TTN: variants seen among roughly 807,000 people sequenced by gnomAD.
TTN encodes titin.
A neutral mutation model predicts 3,223.0 loss-of-function variants in TTN; 1,525 were observed. The ratio of observed to expected loss-of-function variants is 0.47; its 90% CI spans 0.45 to 0.49. The LOEUF is 0.49. TTN is among the 20% of genes least tolerant of loss of function. TTN has a pLI of 0.00. For missense variants in TTN, 40,786 were observed against 43,424.0 expected, an observed-to-expected ratio of 0.94 and a Z score of 5.40; for synonymous variants, 14,094 against 15,161.0, an observed-to-expected ratio of 0.93 and a Z score of 5.17.
rs11694623 is a variant in TTN at position 178,548,725 on chromosome 2, G to A, written c.92901C>T (p.Ser30967=). Residue 30967 remains serine, a synonymous_variant, in exon 339 of 363, where the codon AGC becomes AGT. Coordinates refer to ENST00000589042, the MANE Select transcript of TTN (RefSeq NM_001267550.2). The surrounding 1 kb of genome is among the most constrained non-coding windows in gnomAD (Gnocchi z 4.3). ...CTGTTGTATGGATATCAGCCCGAAG[G>A]CTAAGGTTAGAGTCTGGTTTGCTCC... ...AVWSKPDSNL[S]LRADIHTTDS... 40,426 of 1,613,798 alleles carry A rather than the reference G, an allele frequency of 0.025. 601 individuals are homozygous for A. Among genetic ancestry groups the A allele is most frequent in the Non-Finnish European group, 0.03 (35,263 of 1,179,792 alleles).
At position 178,532,081 on chromosome 2, in the gene TTN, G is replaced by A. The variant is rs577017863; in HGVS notation, c.104534C>T (p.Pro34845Leu). The change falls in exon 358 of 363, where the codon CCA (proline) becomes CTA (leucine). Residue 34845 changes from proline (P) to leucine (L), a missense_variant. Coordinates refer to ENST00000589042, the MANE Select transcript of TTN (RefSeq NM_001267550.2). ...TGGCCTCATTAACTCAATATAAGTT[G>A]GAGACAGGGAGCGCCGTCGTCTCAG... ...RLLRRRRSLS[P>L]TYIELMRPVS... 5.0e-6 allele frequency: 8 copies of A among 1,613,936 alleles called. No individual in the cohort carries two copies. Among genetic ancestry groups the A allele is most frequent in the African/African-American group, 1.3e-5 (1 of 75,028 alleles).
At position 178,569,325 on chromosome 2, in the gene TTN, T is replaced by C. The variant is rs1446500939; in HGVS notation, c.76807A>G (p.Ser25603Gly). ...FVTVRVLDTP[S>G]PPVNLKVTEI... is the part of the protein sequence containing the mutation. Reference sequence around the variant, plus strand: ...GTGACTTTCAGGTTAACAGGTGGACTTGGCGTGTCCAGAACTCTCACAGTA... The same window carrying C: ...GTGACTTTCAGGTTAACAGGTGGACCTGGCGTGTCCAGAACTCTCACAGTA... The change falls in exon 326 of 363, where the codon AGT becomes GGT. Residue 25603 changes from serine (S) to glycine (G), a missense_variant. Ser to Gly is a moderately conservative substitution (Grantham distance 56). Coordinates refer to ENST00000589042, the MANE Select transcript of TTN (RefSeq NM_001267550.2). The C allele has an allele frequency of 6.2e-7, 1 of 1,613,140 alleles. No individual in the cohort carries two copies. The highest frequency in any genetic ancestry group is 1.3e-5 in the African/African-American group (1 of 74,894).
rs200939405 is a variant in TTN, at chr2:178,715,584, G to C, written c.25830C>G (p.His8610Gln). ...FVDSVAVLEMHNLSVEDSGDY... is the reference protein window; with the variant it reads ...FVDSVAVLEMQNLSVEDSGDY... ...CTCCACTGTCTTCAACACTGAGATT[G>C]TGCATTTCCAGCACAGCCACCGAGT... is the stretch of plus-strand genomic sequence containing the variant. The change falls in exon 89 of 363, where the codon CAC (histidine) becomes CAG (glutamine). Residue 8610 changes from histidine (H) to glutamine (Q), a missense_variant. Coordinates refer to ENST00000589042, the MANE Select transcript of TTN (RefSeq NM_001267550.2). 8.7e-6 allele frequency: 14 copies of C among 1,613,400 alleles called. No homozygotes were observed. The African/African-American group carries it at 1.9e-4, about 22-fold the overall frequency.
intron 147 of TTN, among the ~76,000 whole-genome samples, chr2:178,676,435 T>C (rs1051641107): frequency 6.6e-6 from 1 of 151,936 alleles, no homozygotes; most frequent in Admixed American, 6.6e-5. Context: ...TAAGCAGCCA[T>C]GCCAGCATCT....
intron 335 of TTN, 63 bp from the exon 336 acceptor site, chr2:178,551,323 GGA>G: frequency 7.5e-7 from 1 of 1,338,798 alleles, no homozygotes; most frequent in Non-Finnish European, 1.0e-6. Flanking sequence ...AATCATCCAT[GGA>G]AGAACAATAC....
intron 265 of TTN, 25 bp downstream of exon 265, chr2:178,612,748 A>T (rs1371044889): frequency 6.3e-7 from 1 of 1,585,570 alleles, no homozygotes; most frequent in Non-Finnish European, 8.5e-7. Context: ...GAATTTATAT[A>T]TCCCAGACAT....
Position 178,768,598 on chromosome 2 carries a change from CATTA to C in TTN, c.9163+71_9163+74del, listed in dbSNP as rs2090944484. On this transcript the variant is annotated intron_variant, in intron 38 of 362. Coordinates refer to ENST00000589042, the MANE Select transcript of TTN (RefSeq NM_001267550.2). ...CTATCCCACATTTTATTTATCCATTCATTAATTGATACACTAAATTTTATAAAGC... is the reference window on the plus strand; with the variant it reads ...CTATCCCACATTTTATTTATCCATTCATTGATACACTAAATTTTATAAAGC... 4 of 1,596,444 alleles carry C rather than the reference CATTA, an allele frequency of 2.5e-6. No homozygotes were observed. In the South Asian group the frequency reaches 4.5e-5, roughly 18 times the overall value.
In TTN at chr2:178,636,084, G is replaced by C; in HGVS notation, c.41487C>G (p.Gly13829=). 6.2e-7 allele frequency: 1 copy of C among 1,613,166 alleles called. No homozygotes were observed. The highest frequency in any genetic ancestry group is 8.5e-7 in the Non-Finnish European group (1 of 1,179,520). ...TCAGAGCCCGCATCAAGCCAATGAC[G>C]CCTGGCACAATTCGGCCAGGTTTCT... ...VVEKPGRIVP[G]VIGLMRALTI... The change falls in exon 226 of 363, where the codon GGC becomes GGG. Residue 13829 remains glycine, a synonymous_variant. Coordinates refer to ENST00000589042, the MANE Select transcript of TTN (RefSeq NM_001267550.2). The surrounding 1 kb of genome is among the most constrained non-coding windows in gnomAD (Gnocchi z 4.3).
In TTN at chr2:178,642,297, C is replaced by T; in HGVS notation, c.40498G>A (p.Val13500Ile). 6.3e-7 allele frequency: 1 copy of T among 1,593,524 alleles called. No individual in the cohort carries two copies. Among genetic ancestry groups the T allele is most frequent in the Non-Finnish European group, 8.6e-7 (1 of 1,169,154 alleles). ...TTACGTTCCGGAAGTAATTTGCGAA[C>T]TTTCTTTTCACCTCCAGGCACTTAA... ...PLKVPGGEKK[V>I]RKLLPERKPE... The change falls in exon 219 of 363, where the codon GTT becomes ATT. Residue 13500 changes from valine to isoleucine, a missense_variant. Coordinates refer to ENST00000589042, the MANE Select transcript of TTN (RefSeq NM_001267550.2).
chr2:178,684,445 T>C, intron 131 of TTN, 32 bp from the exon 132 acceptor site: 3 of 1,599,764 alleles, frequency 1.9e-6, no homozygotes, highest in Non-Finnish European at 1.7e-6. Flanking sequence ...TAGGGAGTTA[T>C]ATCAAAGTGG....
In TTN at chr2:178,580,592, G is replaced by A. The variant is rs540425352; in HGVS notation, c.66787C>T (p.Leu22263Phe). The A allele has an allele frequency of 5.0e-6, 8 of 1,610,610 alleles. No homozygotes were observed. In the East Asian group the frequency reaches 1.6e-4, roughly 32 times the overall value. The change falls in exon 317 of 363, where the codon CTT (leucine) becomes TTT (phenylalanine). Residue 22263 changes from leucine (L) to phenylalanine (F), a missense_variant. Leu to Phe is a conservative substitution (Grantham distance 22, BLOSUM62 0). Coordinates refer to ENST00000589042, the MANE Select transcript of TTN (RefSeq NM_001267550.2). ...AGTGTCTTCCTTAAGTCCGCATCAA[G>A]TTCTCCCTCAGGTGGAACTGTTTAA... is the stretch of plus-strand genomic sequence containing the variant. ...KDILIPPEGELDADLRKTLIL... is the reference protein window; with the variant it reads ...KDILIPPEGEFDADLRKTLIL...
rs1245433477 is a variant in TTN at position 178,569,532 on chromosome 2, T to C, written c.76600A>G (p.Ile25534Val). Reference sequence around the variant, plus strand: ...ACTTCTGGTGTAGGACGACCTTTTATAGGAACAAATAACCTTAAGGAGCCA... The same window carrying C: ...ACTTCTGGTGTAGGACGACCTTTTACAGGAACAAATAACCTTAAGGAGCCA... ...AGGSLRLFVP[I>V]KGRPTPEVKW... The change falls in exon 326 of 363, where the codon ATA becomes GTA. Residue 25534 changes from isoleucine to valine, a missense_variant. By Grantham distance (29) the Ile-to-Val change is conservative. Coordinates refer to ENST00000589042, the MANE Select transcript of TTN (RefSeq NM_001267550.2). 6.2e-7 allele frequency: 1 copy of C among 1,612,720 alleles called. No homozygotes were observed. Among genetic ancestry groups the C allele is most frequent in the Non-Finnish European group, 8.5e-7 (1 of 1,179,294 alleles).
At chr2:178,685,109 C>T (rs1445296174) in intron 129 of TTN, 120 bp from the exon 130 acceptor site, 2 of 1,135,478 alleles carry the variant, frequency 1.8e-6, no homozygotes, top group Non-Finnish European at 2.5e-6. Flanking sequence ...AATGACTATA[C>T]TCAGTAAATA....
At chr2:178,754,909 T>A (rs1447338462) in intron 46 of TTN, among the ~76,000 whole-genome samples, 1 of 152,164 alleles carries the variant, frequency 6.6e-6, no homozygotes, top group Non-Finnish European at 1.5e-5. Context: ...TAAACTGTAT[T>A]CTCTGTACTG....
Position 178,688,109 on chromosome 2 carries a change from AC to A in TTN, c.32311+1del. On this transcript the variant is annotated splice_donor_variant, in intron 127 of 362. Transcript: ENST00000589042. LOFTEE classifies it high-confidence loss of function. ...CATCTCTAGCTTATTTGCATTGTTTACCTTCATATTCTGTAACCTCTGCTTC... is the reference window on the plus strand; with the variant it reads ...CATCTCTAGCTTATTTGCATTGTTTACTTCATATTCTGTAACCTCTGCTTC... 6.2e-7 allele frequency: 1 copy of A among 1,610,474 alleles called. No homozygotes were observed. The highest frequency in any genetic ancestry group is 8.5e-7 in the Non-Finnish European group (1 of 1,177,894).
At chr2:178,529,330 A>G in intron 359 of TTN, 111 bp from the exon 360 acceptor site, 1 of 826,190 alleles carries the variant, frequency 1.2e-6, no homozygotes, top group Non-Finnish European at 1.8e-6. Context: ...CAACTTCTTC[A>G]TGCAATGTAG....
rs59887778 is a variant in TTN at position 178,672,228 on chromosome 2, C to T, written c.34970G>A (p.Arg11657His). ...TCTTTCTTTTACTACTACTTCTTGG[C>T]GGAAGGCAACTGATACTTTTTCTTC... ...VLEEKVSVAF[R>H]QEVVVKERLE... Residue 11657 changes from arginine to histidine, a missense_variant, in exon 155 of 363, where the codon CGC becomes CAC. By Grantham distance (29) the Arg-to-His change is conservative (BLOSUM62 0). Transcript: ENST00000589042. 2,031 of 1,566,538 alleles carry T rather than the reference C, an allele frequency of 1.3e-3. 28 individuals carry two copies. In the African/African-American group the frequency reaches 0.024, roughly 19 times the overall value.
Position 178,554,751 on chromosome 2 carries a change from G to T in TTN, c.88596C>A (p.Asp29532Glu). Residue 29532 changes from aspartate to glutamate, a missense_variant and splice_region_variant, in exon 332 of 363, where the codon GAC becomes GAA. Asp to Glu is a conservative substitution (Grantham distance 45). Transcript: ENST00000589042. ...ASATIRVQILDKPGPPGGPIE... is the reference protein window; with the variant it reads ...ASATIRVQILEKPGPPGGPIE... ...TTGGTCCACCAGGTGGGCCTGGTTT[G>T]TCTATCAGTGAAAGGACAAAACACG... 1 of 1,613,202 alleles carries T rather than the reference G, an allele frequency of 6.2e-7. No homozygotes were observed. The highest frequency in any genetic ancestry group is 2.2e-5 in the East Asian group (1 of 44,866).
At chr2:178,744,369 T>C (rs972060874) in intron 47 of TTN, 1 of 984,234 alleles carries the variant, frequency 1.0e-6, no homozygotes, top group African/African-American at 1.7e-5. Flanking sequence ...AATGATCACC[T>C]CTAAGGTCTT....
Sources: gnomAD v4.1 joint callset for allele counts (sites outside exome capture counted in the v4.1 genomes callset) on GRCh38, gnomAD v4.1.1 for gene constraint, Gnocchi (gnomAD v3.1) non-coding constraint, MANE v1.5 for transcripts, NCBI Gene and HGNC (gene_info 2026-07-23, HGNC 2026-07-21) for gene names.